The following ADD1 variants were observed in gnomAD, a reference collection of about 807,000 sequenced individuals.
ADD1 encodes the protein adducin 1.
A neutral mutation model predicts 80.5 loss-of-function variants in ADD1; 24 were observed. The observed-to-expected ratio is 0.30, with a 90% confidence interval of 0.22 to 0.42. The LOEUF (loss-of-function observed/expected upper bound fraction) is 0.42, where lower values mean the gene tolerates loss of function less well. ADD1 is among the 10% of genes least tolerant of loss of function. The pLI is 1.00. For synonymous variants in ADD1, 373 were observed against 393.8 expected, an observed-to-expected ratio of 0.95 and a Z score of 0.63; for missense variants, 948 against 1,019.0, an observed-to-expected ratio of 0.93 and a Z score of 0.95.
intron 3 of ADD1, among the ~76,000 whole-genome samples, chr4:2,883,399 T>A (rs1202388071): frequency 6.6e-6 from 1 of 152,124 alleles, no homozygotes; most frequent in Non-Finnish European, 1.5e-5. Context: ...ATTATCCGGA[T>A]TTGTTGAGAA....
At chr4:2,923,241 T>C (rs1740372914) in intron 14 of ADD1, among the ~76,000 whole-genome samples, 1 of 152,228 alleles carries the variant, frequency 6.6e-6, no homozygotes, top group African/African-American at 2.4e-5. Flanking sequence ...CCCAGTTTTG[T>C]GCTTGAAACC....
intron 10 of ADD1, among the ~76,000 whole-genome samples, chr4:2,906,784 C>A (rs1372794532): frequency 1.3e-5 from 2 of 152,154 alleles, no homozygotes; most frequent in African/African-American, 4.8e-5. Context: ...TCAGTGAGTA[C>A]CCAGAGCTCC....
intron 5 of ADD1, 53 bp from the exon 6 acceptor site, chr4:2,894,529 A>C (rs1734847257): frequency 7.2e-6 from 11 of 1,519,144 alleles, no homozygotes; most frequent in Non-Finnish European, 8.8e-6. Flanking sequence ...AAAAAAAGAA[A>C]AGAAAAAATG....
chr4:2,928,343 C>T lies in ADD1; in HGVS notation c.2220C>T (p.Ser740=), dbSNP rs182709254. ...PSPTEAPTEA[S]PEPAPDPAPV... ...CCACTGAGGCCCCTACTGAGGCCAGCCCCGAGCCAGCCCCAGACCCAGCCC... is the reference window on the plus strand; with the variant it reads ...CCACTGAGGCCCCTACTGAGGCCAGTCCCGAGCCAGCCCCAGACCCAGCCC... Residue 740 remains serine, a synonymous_variant, in exon 16 of 16, where the codon AGC becomes AGT. Transcript: ENST00000683351. The T allele has an allele frequency of 6.2e-7, 1 of 1,613,802 alleles. No homozygotes were observed. Among genetic ancestry groups the T allele is most frequent in the African/African-American group, 1.3e-5 (1 of 75,018 alleles).
Position 2,894,573 on chromosome 4 carries a change from T to A in ADD1, c.592-9T>A, listed in dbSNP as rs1734862799. On this transcript the variant is annotated splice_polypyrimidine_tract_variant and intron_variant, in intron 5 of 15. Transcript: ENST00000683351. Reference sequence around the variant, plus strand: ...TTGGTATTTTACATTTTTATTTTTTTATTTTCAGGTTAAGATCAATCTACA... The same window carrying A: ...TTGGTATTTTACATTTTTATTTTTTAATTTTCAGGTTAAGATCAATCTACA... The A allele has an allele frequency of 6.3e-7, 1 of 1,579,208 alleles. No homozygotes were observed. Among genetic ancestry groups the A allele is most frequent in the Non-Finnish European group, 8.5e-7 (1 of 1,169,838 alleles).
chr4:2,884,451 G>C (rs1429469359), intron 3 of ADD1, 64 bp from the exon 4 acceptor site: 9 of 1,324,376 alleles, frequency 6.8e-6, no homozygotes, highest in Admixed American at 2.4e-5. Context: ...TTAGCCTTCT[G>C]AGTAACTAGG....
chr4:2,916,196 TATTATTATTATTATTTTTGAGA>T (rs1329299392), intron 14 of ADD1, among the ~76,000 whole-genome samples: 2 of 148,178 alleles, frequency 1.3e-5, no homozygotes, highest in African/African-American at 4.9e-5. Flanking sequence ...TTATTATTAT[TATTATTATTATTATTTTTGAGA>T]TGAAGTCTTG....
intron 2 of ADD1, among the ~76,000 whole-genome samples, chr4:2,881,184 TCTC>T (rs1273913555): frequency 1.3e-5 from 2 of 149,216 alleles, no homozygotes; most frequent in East Asian, 2.0e-4. Context: ...TTCAAGCAAT[TCTC>T]CTTTCTCAGC....
rs34830388 is a variant in ADD1 at position 2,859,923 on chromosome 4, A to ATTT, written c.-21+15911_-21+15913dup. Reference sequence around the variant, plus strand: ...TAAATGGTTCCCCTGATATTGCTCCATTTTTTTTTTTTTTCAGGAGAAACA... The same window carrying ATTT: ...TAAATGGTTCCCCTGATATTGCTCCATTTTTTTTTTTTTTTTTCAGGAGAAACA... On this transcript the variant is annotated intron_variant, in intron 1 of 15. Coordinates refer to ENST00000683351, the MANE Select transcript of ADD1 (RefSeq NM_001354761.2). Among the ~76,000 whole-genome samples, 95 of 142,232 alleles carry ATTT rather than the reference A, an allele frequency of 6.7e-4. 1 individual carries two copies. Among genetic ancestry groups the ATTT allele is most frequent in the Admixed American group, 1.8e-3 (25 of 14,268 alleles). 93.3% of individuals were successfully genotyped at this position (142,232 alleles called of 152,430 possible). A position where few individuals can be genotyped will look rare whatever the true frequency, so the allele number is the denominator to read the frequency against.
At chr4:2,927,035 T>C (rs1004298502) in intron 15 of ADD1, among the ~76,000 whole-genome samples, 1 of 152,244 alleles carries the variant, frequency 6.6e-6, no homozygotes, top group Non-Finnish European at 1.5e-5. Context: ...TTCTGCCACC[T>C]GCCGTGTGGG....
intron 3 of ADD1, among the ~76,000 whole-genome samples, chr4:2,882,372 G>A (rs895670538): frequency 6.6e-6 from 1 of 152,184 alleles, no homozygotes; most frequent in Non-Finnish European, 1.5e-5. Flanking sequence ...TAGCACATCA[G>A]TTTTGCCTGG....
Position 2,864,312 on chromosome 4 carries a change from C to T in ADD1, c.-20-11584C>T, listed in dbSNP as rs532129807. Among the ~76,000 whole-genome samples the T allele has an allele frequency of 5.6e-4, 85 of 152,278 alleles. 2 individuals are homozygous for T. Among genetic ancestry groups the T allele is most frequent in the African/African-American group, 1.9e-3 (78 of 41,556 alleles). ...CCCGTAGTCCCAGCTGTTCGGGAGG[C>T]TGAGGCAGGAGAATTGCTTGAACCC... On this transcript the variant is annotated intron_variant, in intron 1 of 15. Transcript: ENST00000683351.
At chr4:2,863,843 A>G (rs1729158510) in intron 1 of ADD1, among the ~76,000 whole-genome samples, 1 of 152,150 alleles carries the variant, frequency 6.6e-6, no homozygotes, top group Admixed American at 6.5e-5. Context: ...AGCTGTGAGT[A>G]CAGTCATGAG....
At chr4:2,903,617 T>C (rs147572748) in intron 9 of ADD1, among the ~76,000 whole-genome samples, 8 of 152,352 alleles carry the variant, frequency 5.3e-5, no homozygotes, top group African/African-American at 1.7e-4. Context: ...GAGACTCTTA[T>C]AAGATAGGTG....
At chr4:2,891,176 C>T (rs1030838100) in intron 4 of ADD1, among the ~76,000 whole-genome samples, 3 of 151,168 alleles carry the variant, frequency 2.0e-5, no homozygotes, top group African/African-American at 2.4e-5. Context: ...AGGCTGGGCA[C>T]GGTGGCTCAT....
At chr4:2,911,943 G>A (rs573550582) in intron 13 of ADD1, among the ~76,000 whole-genome samples, 1 of 152,336 alleles carries the variant, frequency 6.6e-6, no homozygotes, top group East Asian at 1.9e-4. Context: ...ATGCAGAGGG[G>A]CAGTAAGCTC....
intron 1 of ADD1, among the ~76,000 whole-genome samples, chr4:2,858,224 TTCAG>T (rs913837927): frequency 2.6e-5 from 4 of 152,370 alleles, no homozygotes; most frequent in East Asian, 1.9e-4. Flanking sequence ...TTTAAAGAGA[TTCAG>T]TCAGTCTTTA....
intron 14 of ADD1, among the ~76,000 whole-genome samples, chr4:2,918,511 C>G (rs1739450354): frequency 1.3e-5 from 2 of 152,128 alleles, no homozygotes; most frequent in African/African-American, 4.8e-5. Flanking sequence ...ATATTTTTTT[C>G]TCTTGCCTGA....
rs1227617603 is a variant in ADD1, at chr4:2,929,098, G to C, written c.*575G>C. ...GGGCAGGAAACCCCAGCGGCAGATG[G>C]GCCTGTGTGCACCCAACGTGATGCT... On this transcript the variant is annotated 3_prime_UTR_variant, in exon 16 of 16. Coordinates refer to ENST00000683351, the MANE Select transcript of ADD1 (RefSeq NM_001354761.2). The C allele has an allele frequency of 6.6e-6, 1 of 152,214 alleles. No individual in the cohort carries two copies. Among genetic ancestry groups the C allele is most frequent in the Non-Finnish European group, 1.5e-5 (1 of 68,206 alleles). 9.4% of individuals were successfully genotyped at this position (152,214 alleles called of 1,614,324 possible).
Sources: gnomAD v4.1 joint callset for allele counts (sites outside exome capture counted in the v4.1 genomes callset) on GRCh38, gnomAD v4.1.1 for gene constraint, MANE v1.5 for transcripts, NCBI Gene and HGNC (gene_info 2026-07-23, HGNC 2026-07-21) for gene names.